PTPRD: variants seen among roughly 807,000 people sequenced by gnomAD.
PTPRD encodes receptor-type tyrosine-protein phosphatase delta.
In PTPRD, 34 loss-of-function variants were observed where a neutral mutation model predicts 214.5. The observed-to-expected ratio is 0.16, with a 90% CI of 0.12 to 0.21. The LOEUF (loss-of-function observed/expected upper bound fraction) is 0.21, where lower values mean the gene tolerates loss of function less well. Among genes scored for constraint, PTPRD ranks in the 10% least tolerant of loss-of-function variants. The pLI, the probability that PTPRD is intolerant of heterozygous loss-of-function variation, is 1.00. For synonymous variants in PTPRD, 1,128 were observed against 845.7 expected (o/e 1.33, Z -5.79); for missense variants, 2,545 against 2,398.7 (o/e 1.06, Z -1.27).
chr9:10,173,596 C>T (rs1488124756), intron 3 of PTPRD, among the ~76,000 whole-genome samples: 1 of 151,970 alleles, frequency 6.6e-6, no homozygotes, highest in Non-Finnish European at 1.5e-5. Flanking sequence ...TTCCAAATAA[C>T]AATTGGCCCT....
intron 11 of PTPRD, among the ~76,000 whole-genome samples, chr9:8,934,283 A>G (rs1338210883): frequency 4.0e-5 from 6 of 149,628 alleles, no homozygotes; most frequent in African/African-American, 1.2e-4. Context: ...ATCCTCCTAA[A>G]TTCAGTTCCA....
intron 4 of PTPRD, among the ~76,000 whole-genome samples, chr9:10,025,960 A>G (rs955976674): frequency 2.6e-5 from 4 of 152,206 alleles, no homozygotes; most frequent in African/African-American, 9.7e-5. Context: ...CTCAAGAAAG[A>G]GAAACTAGAG....
chr9:9,446,073 A>C (rs2090298242), intron 8 of PTPRD, among the ~76,000 whole-genome samples: 1 of 152,196 alleles, frequency 6.6e-6, no homozygotes, highest in Admixed American at 6.6e-5. Flanking sequence ...AGATTATTTT[A>C]TGAAAGCCAT....
At chr9:8,560,630 G>A (rs2085848423) in intron 14 of PTPRD, among the ~76,000 whole-genome samples, 1 of 152,100 alleles carries the variant, frequency 6.6e-6, no homozygotes, top group South Asian at 2.1e-4. Flanking sequence ...ACATAGCAAT[G>A]GAAAGAATGA....
At chr9:9,201,309 T>C (rs2099941711) in intron 9 of PTPRD, among the ~76,000 whole-genome samples, 2 of 152,188 alleles carry the variant, frequency 1.3e-5, no homozygotes, top group Non-Finnish European at 2.9e-5. Context: ...CTCTTGTGTT[T>C]GCATTTTGGT....
At chr9:9,525,636 A>G (rs1318821878) in intron 8 of PTPRD, among the ~76,000 whole-genome samples, 1 of 152,080 alleles carries the variant, frequency 6.6e-6, no homozygotes, top group Admixed American at 6.5e-5. Flanking sequence ...AAGTGATTAA[A>G]TCATAGGTTA....
chr9:8,688,305 G>A (rs1420075282), intron 12 of PTPRD, among the ~76,000 whole-genome samples: 2 of 152,134 alleles, frequency 1.3e-5, no homozygotes, highest in African/African-American at 4.8e-5. Context: ...GGTGGCTGAC[G>A]CCTGTAATCC....
chr9:8,693,820 A>G (rs1159934590), intron 12 of PTPRD, among the ~76,000 whole-genome samples: 1 of 152,202 alleles, frequency 6.6e-6, no homozygotes, highest in African/African-American at 2.4e-5. Context: ...TTCCACAACA[A>G]AACAAGCCAA....
chr9:8,355,804 G>A (rs559123404), intron 39 of PTPRD, among the ~76,000 whole-genome samples: 1 of 152,310 alleles, frequency 6.6e-6, no homozygotes, highest in South Asian at 2.1e-4. Flanking sequence ...TAAGTCTGGG[G>A]TGGGACCAAA....
intron 39 of PTPRD, among the ~76,000 whole-genome samples, chr9:8,359,177 T>A (rs2077807311): frequency 6.9e-6 from 1 of 144,566 alleles, no homozygotes; most frequent in Admixed American, 6.9e-5. Context: ...TCGGCAGGGA[T>A]CTTAGAGATC....
chr9:9,868,633 T>A (rs1054731849), intron 5 of PTPRD, among the ~76,000 whole-genome samples: 1 of 151,800 alleles, frequency 6.6e-6, no homozygotes, highest in Admixed American at 6.6e-5. Flanking sequence ...GAGAATACCC[T>A]AACGTGCAGT....
chr9:8,816,915 T>C (rs893750030), intron 11 of PTPRD, among the ~76,000 whole-genome samples: 2 of 152,250 alleles, frequency 1.3e-5, no homozygotes, highest in Non-Finnish European at 2.9e-5. Flanking sequence ...AATCTTTTAT[T>C]GTCATTTCTT....
chr9:10,600,704 G>A lies in PTPRD; in HGVS notation c.-600+11694C>T, dbSNP rs147619525. ...AACAGAAAACTGATCAATTTGTTGT[G>A]CAGAATAATATAGTAGGTGGTTCAT... is the stretch of plus-strand genomic sequence containing the variant. On this transcript the variant is annotated intron_variant, in intron 2 of 45. Coordinates refer to ENST00000381196, the MANE Select transcript of PTPRD (RefSeq NM_002839.4). Among the ~76,000 whole-genome samples, 1,224 of 151,872 alleles carry A rather than the reference G, an allele frequency of 8.1e-3. 20 individuals carry two copies. Among genetic ancestry groups the A allele is most frequent in the African/African-American group, 0.028 (1,143 of 41,468 alleles).
chr9:8,453,672 G>A (rs991375723), intron 33 of PTPRD, among the ~76,000 whole-genome samples: 4 of 152,188 alleles, frequency 2.6e-5, no homozygotes, highest in Non-Finnish European at 5.9e-5. Context: ...TGTAAATAAT[G>A]CAGCAATAGT....
At position 9,286,919 on chromosome 9, in the gene PTPRD, T is replaced by C. The variant is rs766852016; in HGVS notation, c.-202-103556A>G. Among the ~76,000 whole-genome samples, 44 of 59,570 alleles carry C rather than the reference T, an allele frequency of 7.4e-4. 2 individuals are homozygous for C. The highest frequency in any genetic ancestry group is 1.1e-3 in the Non-Finnish European group (36 of 31,880). The allele number at this position is 59,570 out of a possible 152,430, so 39.1% of individuals were successfully genotyped here. ...ATATATATATATATATATATATATA[T>C]ATATATATATATATATTTGTCTTTG... On this transcript the variant is annotated intron_variant, in intron 9 of 45. Transcript: ENST00000381196.
At chr9:9,147,250 C>G (rs2099870145) in intron 10 of PTPRD, among the ~76,000 whole-genome samples, 1 of 149,520 alleles carries the variant, frequency 6.7e-6, no homozygotes, top group Non-Finnish European at 1.5e-5. Context: ...ATTGGCAAAA[C>G]TATTCTTTGG....
intron 15 of PTPRD, 128 bp downstream of exon 15, chr9:8,528,463 G>C (rs982912201): frequency 1.2e-6 from 1 of 839,042 alleles, no homozygotes; most frequent in Admixed American, 2.2e-5. Flanking sequence ...TTAAGTAACA[G>C]AGAAAGAGAA....
intron 9 of PTPRD, among the ~76,000 whole-genome samples, chr9:9,386,947 C>T (rs551272442): frequency 2.0e-5 from 3 of 152,268 alleles, no homozygotes; most frequent in African/African-American, 7.2e-5. Context: ...TATGCAAAAT[C>T]TACAGAATGA....
intron 6 of PTPRD, among the ~76,000 whole-genome samples, chr9:9,743,820 G>A (rs2098431257): frequency 6.7e-6 from 1 of 149,754 alleles, no homozygotes; most frequent in African/African-American, 2.5e-5. Context: ...AGGTGGGTTC[G>A]ATGATTTCTA....
Sources: allele counts gnomAD v4.1 joint callset (sites outside exome capture counted in the v4.1 genomes callset), GRCh38; gene constraint gnomAD v4.1.1; transcripts MANE v1.5; gene names NCBI Gene and HGNC (gene_info 2026-07-23, HGNC 2026-07-21).